Variants in CADM2 observed in about 807,000 individuals in gnomAD.
CADM2 encodes cell adhesion molecule 2.
Under a neutral mutation model 49.8 loss-of-function variants are expected in CADM2, and 12 were observed. That is an observed-to-expected ratio of 0.24 (90% CI 0.15 to 0.39). The LOEUF (loss-of-function observed/expected upper bound fraction) is 0.39. CADM2 is among the 10% of genes least tolerant of loss of function. CADM2 has a pLI of 1.00. For missense variants in CADM2, 378 were observed against 492.3 expected (o/e 0.77, Z 2.20); for synonymous variants, 214 against 175.4 (o/e 1.22, Z -1.74).
At chr3:85,585,108 A>G (rs1243878802) in intron 1 of CADM2, among the ~76,000 whole-genome samples, 2 of 151,900 alleles carry the variant, frequency 1.3e-5, no homozygotes, top group South Asian at 2.1e-4. Context: ...ATGGAATCTC[A>G]TGCAGTCTGC....
chr3:85,746,596 G>A (rs932010769), intron 2 of CADM2, among the ~76,000 whole-genome samples: 1 of 151,480 alleles, frequency 6.6e-6, no homozygotes, highest in Admixed American at 6.6e-5. Context: ...TTTCATCCCT[G>A]TGACTCCATC....
At chr3:85,917,699 G>A (rs183033206) in intron 6 of CADM2, among the ~76,000 whole-genome samples, 1 of 152,136 alleles carries the variant, frequency 6.6e-6, no homozygotes, top group Non-Finnish European at 1.5e-5. Context: ...TTCCAATTCT[G>A]TGAAGAAAGT....
At chr3:85,163,496 C>G (rs1233154805) in intron 1 of CADM2, among the ~76,000 whole-genome samples, 1 of 151,928 alleles carries the variant, frequency 6.6e-6, no homozygotes, top group Admixed American at 6.6e-5. Context: ...GAGGACACAC[C>G]GATACTATAT....
chr3:85,108,450 C>T (rs890528330), intron 1 of CADM2, among the ~76,000 whole-genome samples: 2 of 151,972 alleles, frequency 1.3e-5, no homozygotes, highest in Non-Finnish European at 2.9e-5. Flanking sequence ...AAAAAGACAA[C>T]AATGCATGAT....
intron 1 of CADM2, among the ~76,000 whole-genome samples, chr3:85,037,584 TG>T (rs1179599114): frequency 6.6e-6 from 1 of 152,192 alleles, no homozygotes; most frequent in Non-Finnish European, 1.5e-5. Context: ...GCATGGAGGG[TG>T]GGAGTCTCCA....
intron 1 of CADM2, among the ~76,000 whole-genome samples, chr3:85,273,486 A>G (rs551001698): frequency 6.6e-6 from 1 of 151,406 alleles, no homozygotes; most frequent in Non-Finnish European, 1.5e-5. Flanking sequence ...GGAGGCATTG[A>G]CAAGTAGTCA....
At chr3:85,591,425 G>A (rs2063104982) in intron 1 of CADM2, among the ~76,000 whole-genome samples, 1 of 149,374 alleles carries the variant, frequency 6.7e-6, no homozygotes. Context: ...TAAAACAGTT[G>A]GGTTTATGGT....
At chr3:85,930,756 G>T (rs1230389419) in intron 6 of CADM2, among the ~76,000 whole-genome samples, 1 of 151,878 alleles carries the variant, frequency 6.6e-6, no homozygotes, top group Non-Finnish European at 1.5e-5. Flanking sequence ...ATGATCTCCA[G>T]TTCCATCCAT....
chr3:85,986,677 AC>A (rs1450299801), intron 8 of CADM2, among the ~76,000 whole-genome samples: 1 of 152,140 alleles, frequency 6.6e-6, no homozygotes, highest in Non-Finnish European at 1.5e-5. Context: ...CTTTTAAAAA[AC>A]AATCATGATT....
intron 1 of CADM2, among the ~76,000 whole-genome samples, chr3:85,263,155 G>T (rs1289892115): frequency 6.6e-6 from 1 of 151,884 alleles, no homozygotes; most frequent in Non-Finnish European, 1.5e-5. Context: ...GACATGCCTG[G>T]CTAGCTTTTT....
intron 1 of CADM2, among the ~76,000 whole-genome samples, chr3:85,065,747 G>A (rs1296719780): frequency 6.6e-6 from 1 of 151,878 alleles, no homozygotes; most frequent in East Asian, 1.9e-4. Context: ...ATTCATTCTG[G>A]GCATCTTCAT....
At chr3:85,991,429 CTTAA>C (rs1728757930) in intron 8 of CADM2, among the ~76,000 whole-genome samples, 1 of 152,064 alleles carries the variant, frequency 6.6e-6, no homozygotes, top group Non-Finnish European at 1.5e-5. Context: ...CATTGTAATT[CTTAA>C]TTATTCAATT....
intron 2 of CADM2, among the ~76,000 whole-genome samples, chr3:85,754,498 G>C (rs2069010163): frequency 6.6e-6 from 1 of 152,134 alleles, no homozygotes; most frequent in Non-Finnish European, 1.5e-5. Flanking sequence ...TATTTGAGTA[G>C]CTTTTTACTT....
At chr3:85,323,879 T>G (rs1460711997) in intron 1 of CADM2, among the ~76,000 whole-genome samples, 2 of 152,168 alleles carry the variant, frequency 1.3e-5, no homozygotes, top group African/African-American at 2.4e-5. Context: ...AGTCTTCAAT[T>G]CTTCTTATAA....
chr3:85,770,378 G>A (rs984756723), intron 2 of CADM2, among the ~76,000 whole-genome samples: 1 of 151,966 alleles, frequency 6.6e-6, no homozygotes, highest in African/African-American at 2.4e-5. Context: ...CACCCTCATG[G>A]CTCACTGCAG....
At chr3:85,571,299 C>T (rs557790615) in intron 1 of CADM2, among the ~76,000 whole-genome samples, 1 of 152,176 alleles carries the variant, frequency 6.6e-6, no homozygotes, top group African/African-American at 2.4e-5. Flanking sequence ...TCATATGAGT[C>T]CTTTCCTCAA....
chr3:85,222,075 T>G (rs1477918246), intron 1 of CADM2, among the ~76,000 whole-genome samples: 1 of 152,184 alleles, frequency 6.6e-6, no homozygotes, highest in East Asian at 1.9e-4. Flanking sequence ...ATATACACCA[T>G]GCCATGTTTT....
At chr3:84,968,314 C>T (rs1475074070) in intron 1 of CADM2, among the ~76,000 whole-genome samples, 2 of 151,906 alleles carry the variant, frequency 1.3e-5, no homozygotes, top group Non-Finnish European at 2.9e-5. Context: ...TGTATTAGTT[C>T]TACGAGGTTC....
intron 2 of CADM2, among the ~76,000 whole-genome samples, chr3:85,794,745 A>T (rs561397310): frequency 7.9e-5 from 12 of 152,182 alleles, no homozygotes; most frequent in African/African-American, 2.9e-4. Flanking sequence ...GGTAAACAAG[A>T]TCCATACTGT....
Sources: allele counts gnomAD v4.1 joint callset (sites outside exome capture counted in the v4.1 genomes callset), GRCh38; gene constraint gnomAD v4.1.1; transcripts MANE v1.5; gene names NCBI Gene and HGNC (gene_info 2026-07-23, HGNC 2026-07-21).